The following IRX2 variants were observed in gnomAD, a reference collection of about 807,000 sequenced individuals.
The protein encoded by IRX2 is iroquois homeobox 2.
Under a neutral mutation model 42.9 loss-of-function variants are expected in IRX2, and 26 were observed. The ratio of observed to expected loss-of-function variants is 0.61; its 90% CI spans 0.44 to 0.84. IRX2 has a LOEUF of 0.84. Among genes scored for constraint, IRX2 ranks in the 40% least tolerant of loss-of-function variants. The pLI is 0.00. For missense variants in IRX2, 782 were observed against 713.9 expected, an observed-to-expected ratio of 1.10 and a Z score of -1.09; for synonymous variants, 424 against 353.9, an observed-to-expected ratio of 1.20 and a Z score of -2.22.
chr5:2,736,686 TTTTAAAGGCAAAA>T, the IRX2 span: 1 of 152,240 alleles, frequency 6.6e-6, no homozygotes, highest in Non-Finnish European at 1.5e-5. Flanking sequence ...GATTCTATTT[TTTTAAAGGCAAAA>T]TATTTCATAG....
At chr5:2,745,715 A>T (rs926747447), downstream of IRX2, 2 of 151,950 alleles carry the variant, frequency 1.3e-5, no homozygotes, top group African/African-American at 2.4e-5. Flanking sequence ...TTCAGCCTTT[A>T]AAAAAAACAA....
At position 2,749,438 on chromosome 5, in the gene IRX2, T is replaced by C; in HGVS notation, c.599A>G (p.Lys200Arg). The change falls in exon 2 of 4, where the codon AAG (lysine) becomes AGG (arginine). Residue 200 changes from lysine (K) to arginine (R), a missense_variant. By Grantham distance (26) the Lys-to-Arg change is conservative (BLOSUM62 2). Coordinates refer to ENST00000302057, the MANE Select transcript of IRX2 (RefSeq NM_033267.5). Reference protein sequence around the residue: ...DEDEGDATRSKDESPDKAQEG... With the variant: ...DEDEGDATRSRDESPDKAQEG... ...CTGCGCCTTGTCGGGACTCTCGTCC[T>C]TGCTTCTGGTAGCGTCGCCCTCGTC... 6.2e-7 allele frequency: 1 copy of C among 1,614,168 alleles called. No individual in the cohort carries two copies. Among genetic ancestry groups the C allele is most frequent in the Non-Finnish European group, 8.5e-7 (1 of 1,180,026 alleles).
the IRX2 span, among the ~76,000 whole-genome samples, chr5:2,736,349 C>G: frequency 5.9e-5 from 9 of 152,188 alleles, no homozygotes; most frequent in African/African-American, 2.2e-4. Flanking sequence ...TTTCTGAGAC[C>G]TCTTTCATCT....
chr5:2,749,365 G>A lies in IRX2; in HGVS notation c.655+17C>T, dbSNP rs1737837177. On this transcript the variant is annotated intron_variant, in intron 2 of 3. Transcript: ENST00000302057. ...AGAAAGCGCCCCGAGACCTTGCGCC[G>A]GCCGCTGCCCGCTCACCTTCGTCCT... 2 of 1,576,178 alleles carry A rather than the reference G, an allele frequency of 1.3e-6. No homozygotes were observed. Among genetic ancestry groups the A allele is most frequent in the Admixed American group, 1.9e-5 (1 of 53,878 alleles).
At chr5:2,749,324 TGCGCCCCGCCTGGGAAGAAA>T in intron 2 of IRX2, 38 bp downstream of exon 2, 1 of 1,537,922 alleles carries the variant, frequency 6.5e-7, no homozygotes, top group Non-Finnish European at 8.7e-7. Context: ...GCCTTAGCTC[TGCGCCCCGCCTGGGAAGAAA>T]GCGCCCCGAG....
chr5:2,751,498 G>T lies in IRX2; in HGVS notation c.-85C>A. ...CTCCATCCACGCCCGGCCGGGGCGC[G>T]GCGCGGCGGCGGGCACCCGGACGGC... is the stretch of plus-strand genomic sequence containing the variant. On this transcript the variant is annotated 5_prime_UTR_variant, in exon 1 of 4. Coordinates refer to ENST00000302057, the MANE Select transcript of IRX2 (RefSeq NM_033267.5). The surrounding 1 kb of genome is among the most constrained non-coding windows in gnomAD (Gnocchi z 4.0). 1 of 921,448 alleles carries T rather than the reference G, an allele frequency of 1.1e-6. No individual in the cohort carries two copies. 57.1% of individuals were successfully genotyped at this position (921,448 alleles called of 1,614,324 possible). A position where few individuals can be genotyped will look rare whatever the true frequency, so the allele number is the denominator to read the frequency against.
downstream of IRX2, among the ~76,000 whole-genome samples, chr5:2,742,607 A>G (rs1430289889): frequency 6.6e-6 from 1 of 152,236 alleles, no homozygotes; most frequent in Non-Finnish European, 1.5e-5. Flanking sequence ...CATATTTATT[A>G]TATCTATTTA....
chr5:2,739,137 G>A, the IRX2 span, among the ~76,000 whole-genome samples: 2 of 152,234 alleles, frequency 1.3e-5, no homozygotes, highest in Non-Finnish European at 2.9e-5. Context: ...GTGAAATCCG[G>A]CTTGTCGCAT....
intron 2 of IRX2, 87 bp from the exon 3 acceptor site, chr5:2,749,139 C>G: frequency 6.6e-7 from 1 of 1,526,108 alleles, no homozygotes; most frequent in Non-Finnish European, 8.7e-7. Context: ...CGGCACTGGG[C>G]CCTCCCCACG....
rs768308436 is a variant in IRX2 at position 2,748,601 on chromosome 5, G to A, written c.1107C>T (p.Gly369=). Residue 369 remains glycine (G), a synonymous_variant, in exon 3 of 4, where the codon GGC becomes GGT. Transcript: ENST00000302057. ...GCAGCGGCGAGGCAGGGTAGGGCGA[G>A]CCTCCTGGCGGTGCCCCGGTTGAGG... is the stretch of plus-strand genomic sequence containing the variant. ...APASTGAPPG[G]SPYPASPLLG... The A allele has an allele frequency of 1.3e-6, 2 of 1,542,802 alleles. No individual in the cohort carries two copies. Among genetic ancestry groups the A allele is most frequent in the African/African-American group, 1.4e-5 (1 of 69,900 alleles).
chr5:2,740,887 C>A (rs1284899068), downstream of IRX2, among the ~76,000 whole-genome samples: 1 of 152,134 alleles, frequency 6.6e-6, no homozygotes. Context: ...GAGCTGAGAC[C>A]TCCTCGCCCC....
chr5:2,737,889 C>A, the IRX2 span: 91,532 of 151,914 alleles, frequency 0.6, 28,155 homozygotes, highest in South Asian at 0.74. Flanking sequence ...CTTTTCCTGA[C>A]GTCAAAGTAA....
chr5:2,751,530 A>C lies in IRX2; in HGVS notation c.-117T>G. 1 of 688,648 alleles carries C rather than the reference A, an allele frequency of 1.5e-6. No individual in the cohort carries two copies. Among genetic ancestry groups the C allele is most frequent in the Non-Finnish European group, 1.8e-6 (1 of 564,926 alleles). The allele number at this position is 688,648 out of a possible 1,614,324, so 42.7% of individuals were successfully genotyped here. A position where few individuals can be genotyped will look rare whatever the true frequency, so the allele number is the denominator to read the frequency against. On this transcript the variant is annotated 5_prime_UTR_variant, in exon 1 of 4. Transcript: ENST00000302057. This position sits in a 1 kb window ranked among gnomAD's most constrained non-coding sequence, Gnocchi z 4.0. ...CGGCGGGCACCCGGACGGCCGGCGGAGGCAGGCCGGCCCGGGTACTAGCCT... is the reference window on the plus strand; with the variant it reads ...CGGCGGGCACCCGGACGGCCGGCGGCGGCAGGCCGGCCCGGGTACTAGCCT...
rs756601056 is a variant in IRX2, at chr5:2,749,048, G to A, written c.660C>T (p.Ile220=). 16 of 1,596,256 alleles carry A rather than the reference G, an allele frequency of 1.0e-5. No homozygotes were observed. The highest frequency in any genetic ancestry group is 1.3e-5 in the African/African-American group (1 of 74,654). The change falls in exon 3 of 4, where the codon ATC becomes ATT. Residue 220 remains isoleucine (I), a synonymous_variant. Coordinates refer to ENST00000302057, the MANE Select transcript of IRX2 (RefSeq NM_033267.5). ...CCGTGAGCGAGTCCACGTGCAGGCT[G>A]ATCCCTGTGGGGGCGCGGGCACGGT... The part of the protein sequence containing the change: ...GTETSAEDEG[I]SLHVDSLTDH...
downstream of IRX2, among the ~76,000 whole-genome samples, chr5:2,744,182 C>A (rs1161775658): frequency 6.6e-6 from 1 of 151,606 alleles, no homozygotes; most frequent in Admixed American, 6.6e-5. Context: ...AGGGAGGCGG[C>A]TTTTACCCCT....
chr5:2,742,942 ATG>A (rs1299346680), downstream of IRX2, among the ~76,000 whole-genome samples: 34 of 152,364 alleles, frequency 2.2e-4, no homozygotes, highest in African/African-American at 7.7e-4. Flanking sequence ...GCAATTGTAA[ATG>A]ATCCGAAAAC....
At position 2,751,465 on chromosome 5, in the gene IRX2, G is replaced by A. The variant is rs1030877368; in HGVS notation, c.-52C>T. On this transcript the variant is annotated 5_prime_UTR_variant, in exon 1 of 4. Coordinates refer to ENST00000302057, the MANE Select transcript of IRX2 (RefSeq NM_033267.5). The surrounding 1 kb of genome is among the most constrained non-coding windows in gnomAD (Gnocchi z 4.0). ...TCACGCCGAGCAGCGGGCAGGGCGC[G>A]CGGCGCCCTCCATCCACGCCCGGCC... 12 of 1,106,446 alleles carry A rather than the reference G, an allele frequency of 1.1e-5. No homozygotes were observed. In the Admixed American group the frequency reaches 1.6e-4, roughly 15 times the overall value. The allele number at this position is 1,106,446 out of a possible 1,614,324, so 68.5% of individuals were successfully genotyped here. A position where few individuals can be genotyped will look rare whatever the true frequency, so the allele number is the denominator to read the frequency against.
chr5:2,747,330 C>A lies in IRX2; in HGVS notation c.*234G>T. 2.8e-6 allele frequency: 1 copy of A among 354,804 alleles called. No individual in the cohort carries two copies. The highest frequency in any genetic ancestry group is 5.1e-6 in the Non-Finnish European group (1 of 194,180). 22.0% of individuals were successfully genotyped at this position (354,804 alleles called of 1,614,324 possible). ...ACATATATATATATATTTTTTTTTT[C>A]CTTCCCTAGGTAAAGGAGTGATAGA... On this transcript the variant is annotated 3_prime_UTR_variant, in exon 4 of 4. Coordinates refer to ENST00000302057, the MANE Select transcript of IRX2 (RefSeq NM_033267.5).
In IRX2 at chr5:2,749,797, A is replaced by T. The variant is rs1037518847; in HGVS notation, c.250-10T>A. 33 of 1,590,302 alleles carry T rather than the reference A, an allele frequency of 2.1e-5. No homozygotes were observed. Among genetic ancestry groups the T allele is most frequent in the Non-Finnish European group, 2.8e-5 (33 of 1,169,144 alleles). ...CGTCGTAGGGTGCGCCCTGGAACCA[A>T]CAAGAGCCTGTGAGTGGAGTATGCG... On this transcript the variant is annotated splice_polypyrimidine_tract_variant and intron_variant, in intron 1 of 3. Coordinates refer to ENST00000302057, the MANE Select transcript of IRX2 (RefSeq NM_033267.5).
Sources: allele counts gnomAD v4.1 joint callset (sites outside exome capture counted in the v4.1 genomes callset), GRCh38; gene constraint gnomAD v4.1.1; non-coding constraint Gnocchi (gnomAD v3.1); transcripts MANE v1.5; gene names NCBI Gene and HGNC (gene_info 2026-07-23, HGNC 2026-07-21).